DEPDC4: variants seen among roughly 807,000 people sequenced by gnomAD.
The protein encoded by DEPDC4 is DEP domain-containing protein 4.
In DEPDC4, 52 loss-of-function variants were observed where a neutral mutation model predicts 52.0. The ratio of observed to expected loss-of-function variants is 1.00; its 90% CI spans 0.80 to 1.26. The LOEUF is 1.26. Ranked by LOEUF, DEPDC4 falls within the 50% of genes most tolerant of loss-of-function variation. The pLI, the probability that DEPDC4 is intolerant of heterozygous loss-of-function variation, is 0.00. For synonymous variants in DEPDC4, 201 were observed against 196.8 expected, an observed-to-expected ratio of 1.02 and a Z score of -0.18; for missense variants, 530 against 546.9, an observed-to-expected ratio of 0.97 and a Z score of 0.31.
intron 3 of DEPDC4, among the ~76,000 whole-genome samples, chr12:100,259,166 C>T (rs112170877): frequency 0.04 from 6,042 of 150,706 alleles, 335 homozygotes; most frequent in African/African-American, 0.13. Context: ...CAAGAAAAGG[C>T]ACAGAAGGCA....
intron 7 of DEPDC4, among the ~76,000 whole-genome samples, chr12:100,250,531 G>A (rs2096203366): frequency 6.6e-6 from 1 of 152,006 alleles, no homozygotes; most frequent in South Asian, 2.1e-4. Context: ...GAACCAGTAT[G>A]TTTCCTTATG....
chr12:100,255,935 A>G (rs890335232), intron 4 of DEPDC4, 114 bp downstream of exon 4: 1 of 689,928 alleles, frequency 1.4e-6, no homozygotes, highest in Non-Finnish European at 2.3e-6. Flanking sequence ...AATTTATAAA[A>G]GAGAGATAGT....
At chr12:100,270,623 C>CTTT (rs559329533), upstream of DEPDC4, among the ~76,000 whole-genome samples, 168 of 125,666 alleles carry the variant, frequency 1.3e-3, 1 homozygote, top group African/African-American at 4.1e-3. Context: ...ATGTTGCTTT[C>CTTT]TTTTTTTTTT....
chr12:100,263,124 G>A (rs551315323), intron 2 of DEPDC4, among the ~76,000 whole-genome samples: 2 of 152,064 alleles, frequency 1.3e-5, no homozygotes, highest in Admixed American at 6.6e-5. Context: ...ACCACATCCC[G>A]CTAATTTTTG....
At position 100,234,435 on chromosome 12, in the gene DEPDC4, A is replaced by T. The variant is rs571101757; in HGVS notation, c.*699+3533T>A. On this transcript the variant is annotated intron_variant and NMD_transcript_variant, in intron 9 of 10. Coordinates refer to the DEPDC4 transcript ENST00000378244. ...TCGCTGAAGACTGGCCAGGATGATG[A>T]CACATAACCTTTGGGGAATGATGAA... Among the ~76,000 whole-genome samples, 13 of 152,320 alleles carry T rather than the reference A, an allele frequency of 8.5e-5. No homozygotes were observed. The East Asian group carries it at 2.3e-3, about 27-fold the overall frequency.
At position 100,253,564 on chromosome 12, in the gene DEPDC4, A is replaced by G. The variant is rs756252101; in HGVS notation, c.1030T>C (p.Tyr344His). The G allele has an allele frequency of 3.7e-5, 48 of 1,289,042 alleles. No individual in the cohort carries two copies. In the South Asian group the frequency reaches 5.9e-4, roughly 16 times the overall value. The allele number at this position is 1,289,042 out of a possible 1,614,324, so 79.9% of individuals were successfully genotyped here. A position where few individuals can be genotyped will look rare whatever the true frequency, so the allele number is the denominator to read the frequency against. The stretch of plus-strand genomic sequence containing the variant: ...AGGCAATCTCTCTCTTGAGCATAGT[A>G]TTTTGCTATGACATCAAAGAGTATC... ...KKILFDVIAK[Y>H]YAQERDCLLT... Residue 344 changes from tyrosine to histidine, a missense_variant, in exon 5 of 10, where the codon TAC (tyrosine) becomes CAC (histidine). By Grantham distance (83) the Tyr-to-His change is moderately conservative. Transcript: ENST00000550587.
chr12:100,258,087 A>G (rs1269680818), intron 3 of DEPDC4, among the ~76,000 whole-genome samples: 1 of 152,186 alleles, frequency 6.6e-6, no homozygotes, highest in East Asian at 1.9e-4. Flanking sequence ...GCTGTCTCAA[A>G]CTCCTGTTCT....
At chr12:100,264,531 T>C (rs2096264934) in intron 1 of DEPDC4, among the ~76,000 whole-genome samples, 2 of 151,902 alleles carry the variant, frequency 1.3e-5, no homozygotes, top group South Asian at 4.2e-4. Context: ...ATACAAAAAT[T>C]AGCCGAGCGT....
At chr12:100,267,155 G>GCC (rs891527890), upstream of DEPDC4, 3 of 1,481,992 alleles carry the variant, frequency 2.0e-6, no homozygotes, top group Non-Finnish European at 1.8e-6. Context: ...GTGACGTCAT[G>GCC]CCCCCGGCCG....
chr12:100,239,681 A>G (rs949915886), downstream of DEPDC4, among the ~76,000 whole-genome samples: 7 of 151,864 alleles, frequency 4.6e-5, no homozygotes, highest in African/African-American at 1.7e-4. Flanking sequence ...CACCAGGCCA[A>G]GCCTTAGCTG....
intron 1 of DEPDC4, 102 bp downstream of exon 1, chr12:100,266,818 G>C (rs1408285001): frequency 1.3e-5 from 18 of 1,428,756 alleles, no homozygotes; most frequent in Non-Finnish European, 1.7e-5. Flanking sequence ...CTAGGAAATG[G>C]GCGGGGCCCT....
At chr12:100,265,887 T>A (rs1425246770) in intron 1 of DEPDC4, among the ~76,000 whole-genome samples, 2 of 152,184 alleles carry the variant, frequency 1.3e-5, no homozygotes, top group South Asian at 4.1e-4. Flanking sequence ...GAAGAAGGAT[T>A]GTAATGGTGG....
chr12:100,232,391 G>A (rs1296112733), intron 9 of DEPDC4, among the ~76,000 whole-genome samples: 7 of 139,912 alleles, frequency 5.0e-5, no homozygotes, highest in African/African-American at 7.8e-5. Flanking sequence ...GCAAGACTCC[G>A]TCTCAAAAAA....
intron 3 of DEPDC4, among the ~76,000 whole-genome samples, chr12:100,257,040 C>T (rs1008101046): frequency 3.9e-5 from 6 of 152,062 alleles, no homozygotes; most frequent in Admixed American, 3.3e-4. Flanking sequence ...ATCACCCTAA[C>T]CATCATCATA....
rs1456864602 is a variant in DEPDC4 at position 100,240,210 on chromosome 12, A to T, written c.*1682T>A. On this transcript the variant is annotated 3_prime_UTR_variant, in exon 10 of 10. Transcript: ENST00000550587. ...TCCTTTATTGCCCAGGCTGCAGTAC[A>T]GTGGTGCAATCATAGCTCACTGCAG... Among the ~76,000 whole-genome samples, 3 of 151,414 alleles carry T rather than the reference A, an allele frequency of 2.0e-5. No homozygotes were observed. Among genetic ancestry groups the T allele is most frequent in the Non-Finnish European group, 4.4e-5 (3 of 67,900 alleles).
chr12:100,248,444 G>A (rs2096194806), intron 8 of DEPDC4, among the ~76,000 whole-genome samples: 1 of 152,196 alleles, frequency 6.6e-6, no homozygotes, highest in African/African-American at 2.4e-5. Flanking sequence ...AAGATCAATA[G>A]CCTAAAGACA....
At chr12:100,262,040 T>A (rs1028618328) in intron 3 of DEPDC4, among the ~76,000 whole-genome samples, 2 of 152,104 alleles carry the variant, frequency 1.3e-5, no homozygotes, top group Non-Finnish European at 2.9e-5. Flanking sequence ...GGGCTTTGGG[T>A]GAAAATGATG....
intron 1 of DEPDC4, among the ~76,000 whole-genome samples, chr12:100,266,549 C>A (rs2096274272): frequency 6.6e-6 from 1 of 152,130 alleles, no homozygotes; most frequent in Admixed American, 6.6e-5. Context: ...GTACATTAAC[C>A]CCTTGTTGCT....
At chr12:100,247,176 CTT>C (rs1283370147) in intron 8 of DEPDC4, among the ~76,000 whole-genome samples, 1 of 141,162 alleles carries the variant, frequency 7.1e-6, no homozygotes. Flanking sequence ...GTGCAAAACA[CTT>C]ATATTTATAA....
Sources: gnomAD v4.1 joint callset for allele counts (sites outside exome capture counted in the v4.1 genomes callset) on GRCh38, gnomAD v4.1.1 for gene constraint, MANE v1.5 for transcripts, NCBI Gene and HGNC (gene_info 2026-07-23, HGNC 2026-07-21) for gene names.